Variants in MAD1L1 observed in about 807,000 individuals in gnomAD.
The protein encoded by MAD1L1 is mitotic spindle assembly checkpoint protein MAD1.
In MAD1L1, 95 loss-of-function variants were observed where a neutral mutation model predicts 96.9. The ratio of observed to expected loss-of-function variants is 0.98; its 90% CI spans 0.83 to 1.16. The LOEUF (loss-of-function observed/expected upper bound fraction) is 1.16. Ranked by LOEUF, MAD1L1 falls within the 50% of genes most tolerant of loss-of-function variation. MAD1L1 has a pLI of 0.00. For synonymous variants in MAD1L1, 473 were observed against 396.6 expected (o/e 1.19, Z -2.29); for missense variants, 1,007 against 954.4 (o/e 1.06, Z -0.73).
intron 12 of MAD1L1, among the ~76,000 whole-genome samples, chr7:2,034,836 C>G (rs1305321178): frequency 2.6e-5 from 4 of 152,246 alleles, no homozygotes; most frequent in African/African-American, 9.6e-5. Context: ...GTGCAGGAGT[C>G]AAGGTCTTTT....
chr7:2,121,296 T>C (rs1860831), intron 11 of MAD1L1, among the ~76,000 whole-genome samples: 54,120 of 152,174 alleles, frequency 0.36, 11,060 homozygotes, highest in East Asian at 0.58. Context: ...CCAACCTCTG[T>C]TCAGCGTCAG....
At chr7:2,141,903 G>A (rs1447527848) in intron 11 of MAD1L1, among the ~76,000 whole-genome samples, 1 of 152,224 alleles carries the variant, frequency 6.6e-6, no homozygotes, top group African/African-American at 2.4e-5. Flanking sequence ...AAGAGAGGGG[G>A]ACTGAGAACC....
At chr7:1,897,179 C>T (rs776012613) in intron 18 of MAD1L1, among the ~76,000 whole-genome samples, 1 of 152,282 alleles carries the variant, frequency 6.6e-6, no homozygotes, top group Non-Finnish European at 1.5e-5. Flanking sequence ...CTGAATCAGA[C>T]AGGCAGCGGC....
At chr7:1,908,053 C>G (rs890867201) in intron 17 of MAD1L1, among the ~76,000 whole-genome samples, 12 of 152,324 alleles carry the variant, frequency 7.9e-5, no homozygotes, top group Non-Finnish European at 1.3e-4. Flanking sequence ...CATGGGTGAC[C>G]AGACAGTACG....
chr7:2,131,005 A>T (rs1343639979), intron 11 of MAD1L1, among the ~76,000 whole-genome samples: 1 of 152,226 alleles, frequency 6.6e-6, no homozygotes, highest in Non-Finnish European at 1.5e-5. Flanking sequence ...CGGAACACTG[A>T]CTTCCATTCT....
intron 10 of MAD1L1, among the ~76,000 whole-genome samples, chr7:2,161,740 G>T (rs929675810): frequency 1.3e-5 from 2 of 149,812 alleles, no homozygotes; most frequent in Non-Finnish European, 3.0e-5. Context: ...TGTGAAGAGC[G>T]CCTCTGCCTG....
intron 18 of MAD1L1, among the ~76,000 whole-genome samples, chr7:1,863,178 C>A (rs1453326938): frequency 6.6e-6 from 1 of 152,274 alleles, no homozygotes; most frequent in Non-Finnish European, 1.5e-5. Context: ...CGCCTCAGCA[C>A]GGGCTGAAGA....
chr7:1,850,149 C>T (rs557303628), intron 18 of MAD1L1, among the ~76,000 whole-genome samples: 3 of 152,248 alleles, frequency 2.0e-5, no homozygotes, highest in South Asian at 4.1e-4. Flanking sequence ...GAGCGGCGGC[C>T]GGGGCAGCGG....
chr7:2,125,583 C>A lies in MAD1L1; in HGVS notation c.1073+23569G>T, dbSNP rs1423653561. ...GTGGCAAACCCAATTCTAGCTACAA[C>A]CCCCACCAGGTGAGGCAGCACCTCA... On this transcript the variant is annotated intron_variant, in intron 11 of 18. Transcript: ENST00000265854. 2.6e-5 allele frequency among the ~76,000 whole-genome samples: 4 copies of A among 152,310 alleles called. No individual in the cohort carries two copies. The East Asian group carries it at 5.8e-4, about 22-fold the overall frequency.
intron 18 of MAD1L1, chr7:1,847,426 A>C (rs1733855782): frequency 2.1e-6 from 1 of 470,624 alleles, no homozygotes; most frequent in African/African-American, 2.0e-5. Context: ...ATCTACCAGG[A>C]GACAGTGGAG....
chr7:2,140,492 T>C (rs1238132043), intron 11 of MAD1L1, among the ~76,000 whole-genome samples: 4 of 152,088 alleles, frequency 2.6e-5, no homozygotes, highest in Non-Finnish European at 5.9e-5. Context: ...GGACGCCGAG[T>C]GACCAGGGAG....
chr7:2,005,312 T>C (rs917248593), intron 13 of MAD1L1, among the ~76,000 whole-genome samples: 1 of 152,214 alleles, frequency 6.6e-6, no homozygotes, highest in Non-Finnish European at 1.5e-5. Context: ...CACGGGGTCC[T>C]GTGTGACCCA....
Position 2,146,545 on chromosome 7 carries a change from C to G in MAD1L1, c.1073+2607G>C, listed in dbSNP as rs1460700106. On this transcript the variant is annotated intron_variant, in intron 11 of 18. Coordinates refer to ENST00000265854, the MANE Select transcript of MAD1L1 (RefSeq NM_001013836.2). The surrounding 1 kb of genome is among the most constrained non-coding windows in gnomAD (Gnocchi z 6.2). ...AGAGGAGAACATACGTGGTCACAAG[C>G]ACGTGCCCGCTGGTCCGCACAGACG... is the stretch of plus-strand genomic sequence containing the variant. Among the ~76,000 whole-genome samples, 1 of 150,856 alleles carries G rather than the reference C, an allele frequency of 6.6e-6. No individual in the cohort carries two copies. Among genetic ancestry groups the G allele is most frequent in the African/African-American group, 2.5e-5 (1 of 40,148 alleles).
intron 11 of MAD1L1, among the ~76,000 whole-genome samples, chr7:2,124,548 AC>A (rs1015420654): frequency 2.0e-5 from 3 of 152,190 alleles, no homozygotes; most frequent in African/African-American, 7.2e-5. Flanking sequence ...ACAGAGGCAG[AC>A]TGCCCAGGGG....
chr7:1,966,714 G>C (rs1780183520), intron 15 of MAD1L1, among the ~76,000 whole-genome samples: 1 of 152,202 alleles, frequency 6.6e-6, no homozygotes, highest in Non-Finnish European at 1.5e-5. Flanking sequence ...GAAAAAAACT[G>C]TGTGACCTCA....
intron 18 of MAD1L1, among the ~76,000 whole-genome samples, chr7:1,870,097 C>T (rs902033998): frequency 6.6e-6 from 1 of 152,096 alleles, no homozygotes; most frequent in Admixed American, 6.5e-5. Flanking sequence ...GAGTGACTGA[C>T]CCCAGATGCG....
chr7:1,936,010 G>A (rs1399922430), intron 17 of MAD1L1, among the ~76,000 whole-genome samples: 2 of 152,222 alleles, frequency 1.3e-5, no homozygotes, highest in African/African-American at 4.8e-5. Context: ...GCAACACAGG[G>A]GGCAGGGGTC....
At chr7:1,893,541 TG>T (rs949071618) in intron 18 of MAD1L1, among the ~76,000 whole-genome samples, 2 of 152,004 alleles carry the variant, frequency 1.3e-5, no homozygotes, top group Non-Finnish European at 2.9e-5. Flanking sequence ...GTGGAGTGGG[TG>T]GGGCAGGGGG....
At chr7:2,111,088 C>A (rs372613533) in intron 11 of MAD1L1, among the ~76,000 whole-genome samples, 4 of 152,158 alleles carry the variant, frequency 2.6e-5, no homozygotes, top group Non-Finnish European at 1.5e-5. Context: ...GGGCACGCTG[C>A]GGCCAAGTCC....
Sources: allele counts gnomAD v4.1 joint callset (sites outside exome capture counted in the v4.1 genomes callset), GRCh38; gene constraint gnomAD v4.1.1; non-coding constraint Gnocchi (gnomAD v3.1); transcripts MANE v1.5; gene names NCBI Gene and HGNC (gene_info 2026-07-23, HGNC 2026-07-21).